The following SLC38A7 variants were observed in gnomAD, a reference collection of about 807,000 sequenced individuals.
SLC38A7 encodes the protein sodium-coupled neutral amino acid transporter 7.
SLC38A7 carries 29 observed loss-of-function variants against 50.1 expected under a neutral mutation model. The observed-to-expected ratio is 0.58, with a 90% CI of 0.43 to 0.79. SLC38A7 has a LOEUF of 0.79. Ranked by LOEUF, SLC38A7 falls within the 30% of genes least tolerant of loss-of-function variation. The pLI is 0.00. For synonymous variants in SLC38A7, 244 were observed against 245.9 expected (o/e 0.99, Z 0.07); for missense variants, 483 against 610.6 (o/e 0.79, Z 2.20).
In SLC38A7 at chr16:58,671,237, C is replaced by A; in HGVS notation, c.1039G>T (p.Val347Leu). ...PILHFCGRAV[V>L]EGLWLRYQGV... ...TGGTAGCGCAGCCACAGGCCTTCCA[C>A]CACCGCCCTGCCCACATGGAGAAGG... The change falls in exon 10 of 12, where the codon GTG becomes TTG. Residue 347 changes from valine to leucine, a missense_variant. Val to Leu is a conservative substitution (Grantham distance 32). Transcript: ENST00000219320. 1 of 1,613,630 alleles carries A rather than the reference C, an allele frequency of 6.2e-7. No homozygotes were observed. The highest frequency in any genetic ancestry group is 8.5e-7 in the Non-Finnish European group (1 of 1,179,774).
In SLC38A7 at chr16:58,678,231, C is replaced by G; in HGVS notation, c.611+102G>C. 7.3e-7 allele frequency: 1 copy of G among 1,378,742 alleles called. No individual in the cohort carries two copies. Among genetic ancestry groups the G allele is most frequent in the South Asian group, 1.9e-5 (1 of 52,692 alleles). The allele number at this position is 1,378,742 out of a possible 1,614,324, so 85.4% of individuals were successfully genotyped here. ...CCCTGCCTTGCCTACTCTTGCTCCCCAAGGTGAGGTGGCATGGAGGAGCAG... is the reference window on the plus strand; with the variant it reads ...CCCTGCCTTGCCTACTCTTGCTCCCGAAGGTGAGGTGGCATGGAGGAGCAG... On this transcript the variant is annotated intron_variant, in intron 5 of 11. Transcript: ENST00000219320. This position sits in a 1 kb window ranked among gnomAD's most constrained non-coding sequence, Gnocchi z 4.0.
intron 2 of SLC38A7, chr16:58,681,681 C>T (rs11644745): frequency 0.11 from 17,023 of 152,190 alleles, 1,005 homozygotes; most frequent in Non-Finnish European, 0.13. Context: ...AGTCACTTCG[C>T]CCCTTTAGGC....
At chr16:58,682,161 C>T (rs943997502) in intron 2 of SLC38A7, among the ~76,000 whole-genome samples, 2 of 151,928 alleles carry the variant, frequency 1.3e-5, no homozygotes, top group Non-Finnish European at 2.9e-5. Context: ...TATCTCAAAA[C>T]AAACAAACAA....
intron 8 of SLC38A7, among the ~76,000 whole-genome samples, chr16:58,674,590 T>G (rs2044227488): frequency 6.6e-6 from 1 of 151,700 alleles, no homozygotes; most frequent in East Asian, 1.9e-4. Context: ...GCTTTCTAAT[T>G]TTTTTTTAAC....
intron 8 of SLC38A7, 49 bp downstream of exon 8, chr16:58,675,891 G>A (rs1466329467): frequency 1.4e-6 from 2 of 1,461,944 alleles, no homozygotes; most frequent in African/African-American, 2.8e-5. Flanking sequence ...GGACTCCTGT[G>A]GAAGTGAGAG....
At chr16:58,676,239 G>C in intron 7 of SLC38A7, 50 bp downstream of exon 7, 1 of 1,611,492 alleles carries the variant, frequency 6.2e-7, no homozygotes, top group Non-Finnish European at 8.5e-7. Flanking sequence ...TCCATCCCAG[G>C]GTGGGGTGAT....
intron 2 of SLC38A7, chr16:58,681,929 G>A (rs1597682437): frequency 6.6e-6 from 1 of 152,142 alleles, no homozygotes; most frequent in African/African-American, 2.4e-5. Flanking sequence ...GGTCGAGGTG[G>A]GCAGATCACC....
chr16:58,676,411 C>G, intron 6 of SLC38A7, 65 bp from the exon 7 acceptor site: 1 of 1,573,050 alleles, frequency 6.4e-7, no homozygotes, highest in Non-Finnish European at 8.7e-7. Flanking sequence ...CACCCCACGC[C>G]CTCACTCTTC....
intron 10 of SLC38A7, among the ~76,000 whole-genome samples, chr16:58,670,789 T>C (rs1183321950): frequency 2.0e-5 from 3 of 152,216 alleles, no homozygotes; most frequent in Non-Finnish European, 4.4e-5. Context: ...GGTTACTAGT[T>C]GAGTTTGTTA....
At chr16:58,670,691 A>G (rs2044141642) in intron 10 of SLC38A7, among the ~76,000 whole-genome samples, 1 of 152,248 alleles carries the variant, frequency 6.6e-6, no homozygotes, top group African/African-American at 2.4e-5. Context: ...AACCAGCCAG[A>G]TAGATCCCTC....
chr16:58,676,257 G>C (rs778902871), intron 7 of SLC38A7, 32 bp downstream of exon 7: 2 of 1,614,042 alleles, frequency 1.2e-6, no homozygotes, highest in Non-Finnish European at 1.7e-6. Flanking sequence ...GATCTAAGGG[G>C]ACAGCAGGGA....
At chr16:58,675,316 A>G (rs1265467491) in intron 8 of SLC38A7, 2 of 430,794 alleles carry the variant, frequency 4.6e-6, no homozygotes, top group Non-Finnish European at 9.1e-6. Flanking sequence ...AGACCAGGCT[A>G]GGCAACATAG....
At chr16:58,673,830 A>ATT (rs1212854298) in intron 8 of SLC38A7, among the ~76,000 whole-genome samples, 1 of 146,572 alleles carries the variant, frequency 6.8e-6, no homozygotes, top group African/African-American at 2.5e-5. Context: ...TGCCTGGCTA[A>ATT]TTTTTTTTTT....
chr16:58,677,918 C>A (rs1045435845), intron 5 of SLC38A7, among the ~76,000 whole-genome samples: 1 of 152,000 alleles, frequency 6.6e-6, no homozygotes, highest in Non-Finnish European at 1.5e-5. Flanking sequence ...ATCCCACAGC[C>A]TTTCAGACAC....
chr16:58,683,575 A>G (rs2044435870), intron 2 of SLC38A7: 1 of 152,360 alleles, frequency 6.6e-6, no homozygotes, highest in Non-Finnish European at 1.5e-5. Context: ...GTGAGCAGCG[A>G]AGGCAGAGTC....
intron 11 of SLC38A7, 89 bp downstream of exon 11, chr16:58,670,024 T>A: frequency 8.8e-7 from 1 of 1,137,444 alleles, no homozygotes; most frequent in Non-Finnish European, 1.3e-6. Context: ...TACACAAGCC[T>A]CTGACTCCTA....
At chr16:58,677,884 C>T (rs1385343363) in intron 5 of SLC38A7, among the ~76,000 whole-genome samples, 1 of 152,084 alleles carries the variant, frequency 6.6e-6, no homozygotes. Flanking sequence ...ATGGCCCCTG[C>T]ACTTACAGAC....
At chr16:58,673,744 T>C (rs2044206382) in intron 8 of SLC38A7, among the ~76,000 whole-genome samples, 1 of 151,336 alleles carries the variant, frequency 6.6e-6, no homozygotes, top group Admixed American at 6.6e-5. Context: ...AGTTCCACTG[T>C]AGTCTTGAAT....
chr16:58,665,163 G>A lies in SLC38A7; in HGVS notation c.*2222C>T, dbSNP rs996148332. ...TCTTCCCTTTCTCGAGTATACACAA[G>A]TAGAAAAGAAACAGTGAAGTACCCC... On this transcript the variant is annotated 3_prime_UTR_variant, in exon 12 of 12. Transcript: ENST00000219320. 3.9e-5 allele frequency: 6 copies of A among 152,450 alleles called. No individual in the cohort carries two copies. The highest frequency in any genetic ancestry group is 1.4e-4 in the African/African-American group (6 of 41,586). 9.4% of individuals were successfully genotyped at this position (152,450 alleles called of 1,614,324 possible). A position where few individuals can be genotyped will look rare whatever the true frequency, so the allele number is the denominator to read the frequency against.
Sources: allele counts gnomAD v4.1 joint callset (sites outside exome capture counted in the v4.1 genomes callset), GRCh38; gene constraint gnomAD v4.1.1; non-coding constraint Gnocchi (gnomAD v3.1); transcripts MANE v1.5; gene names NCBI Gene and HGNC (gene_info 2026-07-23, HGNC 2026-07-21).